The following ADGRL3 variants were observed in gnomAD, a reference collection of about 807,000 sequenced individuals.
ADGRL3 encodes calcium-independent alpha-latrotoxin receptor 3.
ADGRL3 carries 62 observed loss-of-function variants against 153.5 expected under a neutral mutation model. The ratio of observed to expected loss-of-function variants is 0.40; its 90% CI spans 0.33 to 0.50. The LOEUF (loss-of-function observed/expected upper bound fraction) is 0.50. ADGRL3 is among the 20% of genes least tolerant of loss of function. ADGRL3 has a pLI of 0.47. For synonymous variants in ADGRL3, 710 were observed against 672.5 expected, an observed-to-expected ratio of 1.06 and a Z score of -0.86; for missense variants, 1,641 against 1,859.4, an observed-to-expected ratio of 0.88 and a Z score of 2.16.
At chr4:61,332,931 T>G (rs2095603016) in intron 1 of ADGRL3, among the ~76,000 whole-genome samples, 1 of 152,196 alleles carries the variant, frequency 6.6e-6, no homozygotes, top group Admixed American at 6.6e-5. Context: ...CGTATTCTAT[T>G]AATGGGTGAA....
intron 9 of ADGRL3, among the ~76,000 whole-genome samples, chr4:61,825,886 G>A (rs1373235067): frequency 6.6e-6 from 1 of 152,180 alleles, no homozygotes; most frequent in Non-Finnish European, 1.5e-5. Context: ...TATGTGATGA[G>A]GGGTGTAGGG....
intron 8 of ADGRL3, among the ~76,000 whole-genome samples, chr4:61,769,454 G>A (rs569646123): frequency 1.3e-5 from 2 of 148,538 alleles, no homozygotes; most frequent in Non-Finnish European, 3.0e-5. Flanking sequence ...TGAGGTCGTA[G>A]GTGGATCTTT....
chr4:61,853,104 C>T (rs111228299), intron 9 of ADGRL3, among the ~76,000 whole-genome samples: 3 of 151,674 alleles, frequency 2.0e-5, no homozygotes, highest in Admixed American at 6.6e-5. Flanking sequence ...TGCAACCACC[C>T]GCTCCTCTCC....
chr4:61,994,705 T>C (rs991764978), intron 19 of ADGRL3, among the ~76,000 whole-genome samples: 1 of 152,130 alleles, frequency 6.6e-6, no homozygotes, highest in African/African-American at 2.4e-5. Context: ...TAGTGCTCTC[T>C]ACTCTTATGT....
chr4:61,456,368 G>T (rs28398862), intron 2 of ADGRL3, among the ~76,000 whole-genome samples: 13,961 of 112,526 alleles, frequency 0.12, 1,568 homozygotes, highest in Non-Finnish European at 0.15. Flanking sequence ...TAGAGATATA[G>T]ATATATCTAT....
chr4:61,519,828 A>C (rs2098519258), intron 4 of ADGRL3, among the ~76,000 whole-genome samples: 1 of 152,186 alleles, frequency 6.6e-6, no homozygotes, highest in Non-Finnish European at 1.5e-5. Flanking sequence ...TTCTAGAAAC[A>C]AGATACTTTA....
chr4:62,002,364 T>C lies in ADGRL3; in HGVS notation c.3395+4099T>C, dbSNP rs577548777. On this transcript the variant is annotated intron_variant, in intron 21 of 26. Transcript: ENST00000683033. ...GATCTTATCTCTGCTGTTTCTCTAC[T>C]CACTTTCTTTTCCCTAACGCTATGA... 6.0e-5 allele frequency among the ~76,000 whole-genome samples: 9 copies of C among 150,834 alleles called. No homozygotes were observed. The East Asian group carries it at 1.8e-3, about 30-fold the overall frequency.
intron 2 of ADGRL3, chr4:61,420,498 C>T (rs2097192193): frequency 6.6e-6 from 1 of 150,548 alleles, no homozygotes; most frequent in Non-Finnish European, 1.5e-5. Flanking sequence ...GCTCCGCCTC[C>T]CGGGTTCACG....
intron 9 of ADGRL3, among the ~76,000 whole-genome samples, chr4:61,882,533 C>T (rs1222521537): frequency 1.3e-5 from 2 of 152,122 alleles, no homozygotes; most frequent in African/African-American, 2.4e-5. Flanking sequence ...TGCTGAAAGC[C>T]TTCCAGTGGC....
intron 19 of ADGRL3, among the ~76,000 whole-genome samples, chr4:61,985,253 A>G (rs988256081): frequency 6.7e-6 from 1 of 148,372 alleles, no homozygotes; most frequent in Non-Finnish European, 1.5e-5. Flanking sequence ...CAAATAAACT[A>G]GGATTTTTTT....
At chr4:61,482,091 G>A (rs2098137660) in intron 2 of ADGRL3, among the ~76,000 whole-genome samples, 1 of 152,270 alleles carries the variant, frequency 6.6e-6, no homozygotes, top group Admixed American at 6.5e-5. Context: ...TCACAGACTT[G>A]CTAGAAGAAC....
rs943308083 is a variant in ADGRL3 at position 62,021,086 on chromosome 4, TA to T, written c.3396-7760del. 4.0e-5 allele frequency among the ~76,000 whole-genome samples: 6 copies of T among 151,594 alleles called. No homozygotes were observed. In the East Asian group the frequency reaches 7.7e-4, roughly 20 times the overall value. On this transcript the variant is annotated intron_variant, in intron 21 of 26. Coordinates refer to ENST00000683033, the MANE Select transcript of ADGRL3 (RefSeq NM_001387552.1). ...TTAATATATAATTTCCAAAATACTTTAAAAAAAAACCTAATACAGAATCGTG... is the reference window on the plus strand; with the variant it reads ...TTAATATATAATTTCCAAAATACTTTAAAAAAAACCTAATACAGAATCGTG...
intron 9 of ADGRL3, among the ~76,000 whole-genome samples, chr4:61,818,376 CT>C (rs1426425383): frequency 1.3e-5 from 2 of 152,196 alleles, no homozygotes; most frequent in African/African-American, 4.8e-5. Context: ...AGCTCCACCC[CT>C]GTGACTTTGC....
rs538553558 is a variant in ADGRL3, at chr4:61,465,711, T to A, written c.-173-31410T>A. ...GTCCAACATGGACAAACCAACATAG[T>A]TTATCTTGGATACTTGGACTGACTC... On this transcript the variant is annotated intron_variant, in intron 2 of 26. Coordinates refer to ENST00000683033, the MANE Select transcript of ADGRL3 (RefSeq NM_001387552.1). Among the ~76,000 whole-genome samples the A allele has an allele frequency of 1.0e-4, 15 of 146,792 alleles. No homozygotes were observed. The Admixed American group carries it at 1.0e-3, about 10-fold the overall frequency.
At chr4:61,870,810 A>G (rs985601498) in intron 9 of ADGRL3, among the ~76,000 whole-genome samples, 2 of 152,174 alleles carry the variant, frequency 1.3e-5, no homozygotes, top group African/African-American at 2.4e-5. Flanking sequence ...TGGCCAGAAT[A>G]TGGAGAAATT....
At chr4:61,360,669 C>CTGAA (rs1233117266) in intron 1 of ADGRL3, among the ~76,000 whole-genome samples, 26 of 152,186 alleles carry the variant, frequency 1.7e-4, no homozygotes, top group African/African-American at 6.0e-4. Flanking sequence ...AACATAGCTG[C>CTGAA]TGAATGCAAC....
chr4:61,535,227 T>C (rs1045593124), intron 4 of ADGRL3, among the ~76,000 whole-genome samples: 7 of 152,076 alleles, frequency 4.6e-5, no homozygotes, highest in Non-Finnish European at 8.8e-5. Flanking sequence ...ATTTGGTGCA[T>C]GGAGTAAATC....
At chr4:61,793,485 G>T (rs147620614) in intron 8 of ADGRL3, among the ~76,000 whole-genome samples, 1 of 152,014 alleles carries the variant, frequency 6.6e-6, no homozygotes, top group East Asian at 1.9e-4. Context: ...AGAACAGCAC[G>T]AGAAAGACCC....
intron 24 of ADGRL3, among the ~76,000 whole-genome samples, chr4:62,039,303 T>G (rs900882865): frequency 2.6e-5 from 4 of 152,168 alleles, no homozygotes; most frequent in African/African-American, 9.7e-5. Flanking sequence ...AGCTAGCACT[T>G]GAACACAGTT....
Sources: gnomAD v4.1 joint callset for allele counts (sites outside exome capture counted in the v4.1 genomes callset) on GRCh38, gnomAD v4.1.1 for gene constraint, MANE v1.5 for transcripts, NCBI Gene and HGNC (gene_info 2026-07-23, HGNC 2026-07-21) for gene names.